The following OCIAD1 variants were observed in gnomAD, a reference collection of about 807,000 sequenced individuals.
The protein encoded by OCIAD1 is OCIA domain containing 1.
In OCIAD1, 29 loss-of-function variants were observed where a neutral mutation model predicts 38.9. The observed-to-expected ratio is 0.74, with a 90% CI of 0.55 to 1.02. OCIAD1 has a LOEUF of 1.02. Ranked by LOEUF, OCIAD1 falls within the 50% of genes least tolerant of loss-of-function variation. The probability of loss-of-function intolerance (pLI) is 0.00; values close to 1 mark genes in which losing one functional copy is unlikely to be tolerated. For missense variants in OCIAD1, 288 were observed against 289.6 expected, an observed-to-expected ratio of 0.99 and a Z score of 0.04; for synonymous variants, 110 against 92.0, an observed-to-expected ratio of 1.20 and a Z score of -1.12.
intron 4 of OCIAD1, among the ~76,000 whole-genome samples, chr4:48,845,980 A>G (rs1430186868): frequency 6.6e-6 from 1 of 152,254 alleles, no homozygotes; most frequent in Non-Finnish European, 1.5e-5. Flanking sequence ...AGCACCTGAC[A>G]GAGGACATAC....
At position 48,835,189 on chromosome 4, in the gene OCIAD1, C is replaced by T. The variant is rs573124799; in HGVS notation, c.139+1708C>T. On this transcript the variant is annotated intron_variant, in intron 3 of 8. Coordinates refer to ENST00000264312, the MANE Select transcript of OCIAD1 (RefSeq NM_017830.4). ...CCTCAGTTGATTCACCTGCCTTGGC[C>T]TCCGAAAGTGCTGGGATTACAGGTG... Among the ~76,000 whole-genome samples, 89 of 152,274 alleles carry T rather than the reference C, an allele frequency of 5.8e-4. 2 individuals are homozygous for T. The South Asian group carries it at 0.017, about 30-fold the overall frequency.
upstream of OCIAD1, among the ~76,000 whole-genome samples, chr4:48,827,262 A>G (rs1043365705): frequency 2.0e-5 from 3 of 152,244 alleles, no homozygotes; most frequent in African/African-American, 7.2e-5. Flanking sequence ...GATTTCATTT[A>G]TATACATTAA....
Position 48,855,584 on chromosome 4 carries a change from G to A in OCIAD1, c.548-1629G>A, listed in dbSNP as rs142641024. 1.7e-3 allele frequency among the ~76,000 whole-genome samples: 254 copies of A among 152,196 alleles called. 4 individuals carry two copies. The highest frequency in any genetic ancestry group is 5.3e-3 in the African/African-American group (221 of 41,544). ...TGTAATCCCAGCACTTTGGGAGGCC[G>A]AGGCGGGTGGATCACCTGAGGTCAG... On this transcript the variant is annotated intron_variant, in intron 7 of 8. Coordinates refer to ENST00000264312, the MANE Select transcript of OCIAD1 (RefSeq NM_017830.4).
At chr4:48,855,850 T>C (rs1233196636) in intron 7 of OCIAD1, 3 of 152,050 alleles carry the variant, frequency 2.0e-5, no homozygotes, top group Non-Finnish European at 1.5e-5. Flanking sequence ...TTGAAAACAT[T>C]ATTTAATGTA....
chr4:48,813,880 T>C (rs1560406919), intron 1 of OCIAD1, among the ~76,000 whole-genome samples: 1 of 152,182 alleles, frequency 6.6e-6, no homozygotes, highest in Non-Finnish European at 1.5e-5. Context: ...ATTTTAAACA[T>C]TTGGTGAGAG....
At chr4:48,814,099 T>C (rs1257034838) in intron 1 of OCIAD1, among the ~76,000 whole-genome samples, 1 of 152,120 alleles carries the variant, frequency 6.6e-6, no homozygotes, top group East Asian at 1.9e-4. Context: ...CTAACAGCTC[T>C]TAGTGTGTTC....
intron 6 of OCIAD1, among the ~76,000 whole-genome samples, chr4:48,850,309 A>G (rs1779322936): frequency 6.6e-6 from 1 of 152,144 alleles, no homozygotes; most frequent in Admixed American, 6.5e-5. Context: ...CGCAGGCTGG[A>G]GTACAATGGC....
chr4:48,833,242 AAC>A (rs1218082156), intron 2 of OCIAD1, among the ~76,000 whole-genome samples, 157 bp from the exon 3 acceptor site: 4 of 152,162 alleles, frequency 2.6e-5, no homozygotes, highest in Middle Eastern at 3.2e-3. Flanking sequence ...ACAAGAGTGA[AAC>A]ACTGTCTCAA....
chr4:48,840,772 T>C (rs1271930092), intron 3 of OCIAD1, among the ~76,000 whole-genome samples: 5 of 149,186 alleles, frequency 3.4e-5, no homozygotes, highest in Non-Finnish European at 5.9e-5. Flanking sequence ...TGAGGTGGGC[T>C]GATTACTTGA....
At chr4:48,828,308 C>G (rs1560410118), upstream of OCIAD1, among the ~76,000 whole-genome samples, 2 of 152,162 alleles carry the variant, frequency 1.3e-5, no homozygotes, top group Non-Finnish European at 2.9e-5. Context: ...CACCAATCAG[C>G]ACCCTGTCAA....
Position 48,851,755 on chromosome 4 carries a change from G to C in OCIAD1, c.378-51G>C, listed in dbSNP as rs73815373. ...AGAAGTTATTTTAACACTTCTTTAA[G>C]ATATAGGCAATGACTCATATTTCTT... is the stretch of plus-strand genomic sequence containing the variant. On this transcript the variant is annotated intron_variant, in intron 6 of 8. Coordinates refer to ENST00000264312, the MANE Select transcript of OCIAD1 (RefSeq NM_017830.4). The C allele has an allele frequency of 1.8e-5, 18 of 1,027,282 alleles. No homozygotes were observed. The South Asian group carries it at 2.4e-4, about 14-fold the overall frequency. 63.6% of individuals were successfully genotyped at this position (1,027,282 alleles called of 1,614,324 possible). A position where few individuals can be genotyped will look rare whatever the true frequency, so the allele number is the denominator to read the frequency against.
chr4:48,815,357 G>A (rs189620463), intron 1 of OCIAD1, among the ~76,000 whole-genome samples: 30 of 152,318 alleles, frequency 2.0e-4, no homozygotes, highest in African/African-American at 7.2e-4. Flanking sequence ...TCACACAGTG[G>A]CAGATGCAAG....
intron 1 of OCIAD1, among the ~76,000 whole-genome samples, chr4:48,812,282 C>CA (rs397881494): frequency 0.038 from 957 of 25,074 alleles, 289 homozygotes; most frequent in Middle Eastern, 0.14. Context: ...GAGTTGGTCT[C>CA]AAAAAAAAAA....
intron 1 of OCIAD1, among the ~76,000 whole-genome samples, chr4:48,806,060 A>G (rs986295048): frequency 6.6e-6 from 1 of 152,144 alleles, no homozygotes; most frequent in Admixed American, 6.6e-5. Context: ...TGAGGTCAGG[A>G]GTTTAAGACC....
At chr4:48,830,886 G>A (rs1012267637), upstream of OCIAD1, 1 of 154,624 alleles carries the variant, frequency 6.5e-6, no homozygotes, top group Non-Finnish European at 1.4e-5. Context: ...CCGCCATCCA[G>A]GGAAGGGGCG....
At chr4:48,829,761 G>C (rs1289517727), upstream of OCIAD1, among the ~76,000 whole-genome samples, 3 of 152,206 alleles carry the variant, frequency 2.0e-5, no homozygotes, top group East Asian at 1.9e-4. Flanking sequence ...AACAAAATGA[G>C]TATTAGTTAC....
intron 1 of OCIAD1, among the ~76,000 whole-genome samples, chr4:48,823,928 A>G (rs541405001): frequency 1.5e-5 from 2 of 135,624 alleles, no homozygotes; most frequent in African/African-American, 5.5e-5. Context: ...TGGCCTCCCA[A>G]AGTATTCAGA....
upstream of OCIAD1, among the ~76,000 whole-genome samples, chr4:48,828,897 C>T (rs1474161321): frequency 1.3e-5 from 2 of 152,164 alleles, no homozygotes; most frequent in Admixed American, 1.3e-4. Flanking sequence ...AGGCCTGGCT[C>T]AGTAAGTATA....
intron 1 of OCIAD1, among the ~76,000 whole-genome samples, chr4:48,816,435 A>T (rs1175346067): frequency 6.6e-6 from 1 of 151,082 alleles, no homozygotes; most frequent in Non-Finnish European, 1.5e-5. Context: ...CAGGAGGCCG[A>T]GGCAGGGGAA....
Sources: gnomAD v4.1 joint callset for allele counts (sites outside exome capture counted in the v4.1 genomes callset) on GRCh38, gnomAD v4.1.1 for gene constraint, MANE v1.5 for transcripts, NCBI Gene and HGNC (gene_info 2026-07-23, HGNC 2026-07-21) for gene names.